ADK: variants seen among roughly 807,000 people sequenced by gnomAD.
ADK encodes the protein N6,N6-dimethyladenosine kinase.
ADK carries 24 observed loss-of-function variants against 44.7 expected under a neutral mutation model. The observed-to-expected ratio is 0.54, with a 90% CI of 0.39 to 0.76. The LOEUF is 0.76. Ranked by LOEUF, ADK falls within the 30% of genes least tolerant of loss-of-function variation. The pLI is 0.00. For missense variants in ADK, 321 were observed against 425.1 expected, an observed-to-expected ratio of 0.76 and a Z score of 2.15; for synonymous variants, 128 against 142.6, an observed-to-expected ratio of 0.90 and a Z score of 0.73.
At position 74,398,016 on chromosome 10, in the gene ADK, C is replaced by T. The variant is rs532059572; in HGVS notation, c.447-455C>T. Among the ~76,000 whole-genome samples, 66 of 152,206 alleles carry T rather than the reference C, an allele frequency of 4.3e-4. No individual in the cohort carries two copies. In the Middle Eastern group the frequency reaches 0.01, roughly 24 times the overall value. Reference sequence around the variant, plus strand: ...GGTCTACATTTATAAGTGTCTTTTACGAAATTAATTCCATATTTGGCTTTT... The same window carrying T: ...GGTCTACATTTATAAGTGTCTTTTATGAAATTAATTCCATATTTGGCTTTT... On this transcript the variant is annotated intron_variant, in intron 5 of 10. Coordinates refer to ENST00000539909, the MANE Select transcript of ADK (RefSeq NM_006721.4).
chr10:74,584,675 T>C (rs2133905510), intron 7 of ADK, among the ~76,000 whole-genome samples: 1 of 152,278 alleles, frequency 6.6e-6, no homozygotes, highest in Non-Finnish European at 1.5e-5. Context: ...AAGTCTAATA[T>C]CATTATAAGG....
chr10:74,258,518 A>G (rs1845911983), intron 3 of ADK, among the ~76,000 whole-genome samples: 2 of 152,134 alleles, frequency 1.3e-5, no homozygotes, highest in Non-Finnish European at 2.9e-5. Context: ...AACTGCTTCA[A>G]TTATACACTA....
chr10:74,356,239 C>T (rs996508764), intron 4 of ADK, among the ~76,000 whole-genome samples: 1 of 150,986 alleles, frequency 6.6e-6, no homozygotes, highest in Non-Finnish European at 1.5e-5. Flanking sequence ...AGGATGGTCT[C>T]GATCTCCTGA....
chr10:74,190,047 T>C (rs1282463512), intron 1 of ADK, among the ~76,000 whole-genome samples: 2 of 152,256 alleles, frequency 1.3e-5, no homozygotes, highest in East Asian at 1.9e-4. Flanking sequence ...ATAATGGTGC[T>C]ATAAACATTC....
At chr10:74,355,336 C>T (rs1842097796) in intron 4 of ADK, among the ~76,000 whole-genome samples, 1 of 152,160 alleles carries the variant, frequency 6.6e-6, no homozygotes, top group East Asian at 1.9e-4. Context: ...TTTTTAAAAA[C>T]TTCTCTGCTG....
intron 3 of ADK, among the ~76,000 whole-genome samples, chr10:74,225,168 C>T (rs1844486830): frequency 6.6e-6 from 1 of 152,180 alleles, no homozygotes; most frequent in Admixed American, 6.5e-5. Flanking sequence ...ACCTCTCATT[C>T]CTGGGTTCAA....
intron 10 of ADK, among the ~76,000 whole-genome samples, chr10:74,680,693 C>T (rs1294256806): frequency 2.0e-5 from 3 of 152,204 alleles, no homozygotes; most frequent in African/African-American, 7.2e-5. Flanking sequence ...TCAAACTATA[C>T]GATAATTTAC....
intron 7 of ADK, among the ~76,000 whole-genome samples, chr10:74,566,315 TC>T (rs1477240314): frequency 7.0e-6 from 1 of 143,036 alleles, no homozygotes; most frequent in Non-Finnish European, 1.5e-5. Flanking sequence ...CAAGTAATCC[TC>T]CCACCTCAGC....
chr10:74,152,856 A>G (rs1841644679), intron 1 of ADK, among the ~76,000 whole-genome samples: 2 of 152,212 alleles, frequency 1.3e-5, no homozygotes, highest in Non-Finnish European at 2.9e-5. Context: ...TTCCTTAGGC[A>G]ACTAAAATTC....
intron 4 of ADK, among the ~76,000 whole-genome samples, chr10:74,348,013 C>T (rs1841835607): frequency 6.6e-6 from 1 of 152,178 alleles, no homozygotes; most frequent in Non-Finnish European, 1.5e-5. Flanking sequence ...AACTTTCCTG[C>T]CTGGTGGCTC....
chr10:74,385,088 A>T lies in ADK; in HGVS notation c.274-9053A>T, dbSNP rs536116805. 3.9e-5 allele frequency among the ~76,000 whole-genome samples: 6 copies of T among 152,324 alleles called. No individual in the cohort carries two copies. The East Asian group carries it at 9.6e-4, about 24-fold the overall frequency. On this transcript the variant is annotated intron_variant, in intron 4 of 10. Coordinates refer to ENST00000539909, the MANE Select transcript of ADK (RefSeq NM_006721.4). The stretch of plus-strand genomic sequence containing the variant: ...TGGGTAGAGGTTTCTTTTTGAGATA[A>T]TGAAAATGTGATGGTTGCACAGCTA...
intron 7 of ADK, among the ~76,000 whole-genome samples, chr10:74,587,610 C>T (rs1032236784): frequency 2.6e-5 from 4 of 152,142 alleles, no homozygotes; most frequent in African/African-American, 4.8e-5. Flanking sequence ...ATGCTACAGT[C>T]GTTTTAGTTG....
At chr10:74,308,784 A>T (rs561017730) in intron 3 of ADK, among the ~76,000 whole-genome samples, 29 of 152,254 alleles carry the variant, frequency 1.9e-4, no homozygotes, top group African/African-American at 7.0e-4. Flanking sequence ...TGCTGTGCTG[A>T]TGTTAACACA....
intron 4 of ADK, among the ~76,000 whole-genome samples, chr10:74,360,557 G>GCT (rs138951383): frequency 1.1e-4 from 17 of 150,014 alleles, no homozygotes; most frequent in African/African-American, 2.9e-4. Context: ...TCTCTCTCAT[G>GCT]CTCTCTCTCT....
intron 7 of ADK, among the ~76,000 whole-genome samples, chr10:74,580,334 G>T (rs1201171763): frequency 6.6e-6 from 1 of 152,026 alleles, no homozygotes; most frequent in African/African-American, 2.4e-5. Flanking sequence ...CCAGCATTTT[G>T]GGAGTCCAAG....
At chr10:74,429,135 T>C (rs1248302257) in intron 6 of ADK, among the ~76,000 whole-genome samples, 3 of 152,230 alleles carry the variant, frequency 2.0e-5, no homozygotes, top group African/African-American at 7.2e-5. Flanking sequence ...TTTAGATAAA[T>C]TGTCCTAAAG....
At chr10:74,597,988 T>C (rs894062286) in intron 8 of ADK, among the ~76,000 whole-genome samples, 2 of 152,188 alleles carry the variant, frequency 1.3e-5, no homozygotes, top group Admixed American at 6.5e-5. Context: ...ACTGTAAATA[T>C]CCTGTTTTCT....
chr10:74,362,222 T>A (rs1353691064), intron 4 of ADK, among the ~76,000 whole-genome samples: 1 of 152,158 alleles, frequency 6.6e-6, no homozygotes. Flanking sequence ...TTTGATGTTG[T>A]CCCATAGATT....
rs867897389 is a variant in ADK at position 74,176,770 on chromosome 10, G to C, written c.66-23994G>C. The C allele has an allele frequency of 1.9e-6, 3 of 1,571,252 alleles. No individual in the cohort carries two copies. In the East Asian group the frequency reaches 6.8e-5, roughly 36 times the overall value. On this transcript the variant is annotated intron_variant, in intron 1 of 10. Coordinates refer to ENST00000539909, the MANE Select transcript of ADK (RefSeq NM_006721.4). ...GTGTGAGGACGCGCTCCCAGTCGCT[G>C]AGTGCCTGAGCCGGGAAGCAGTTGC...
Sources: gnomAD v4.1 joint callset for allele counts (sites outside exome capture counted in the v4.1 genomes callset) on GRCh38, gnomAD v4.1.1 for gene constraint, MANE v1.5 for transcripts, NCBI Gene and HGNC (gene_info 2026-07-23, HGNC 2026-07-21) for gene names.